The following MAP3K21 variants were observed in gnomAD, a reference collection of about 807,000 sequenced individuals.
MAP3K21 encodes mitogen-activated protein kinase kinase kinase MLK4.
Under a neutral mutation model 86.1 loss-of-function variants are expected in MAP3K21, and 63 were observed. The ratio of observed to expected loss-of-function variants is 0.73; its 90% CI spans 0.60 to 0.90. MAP3K21 has a LOEUF of 0.90. MAP3K21 is among the 40% of genes least tolerant of loss of function. The pLI, the probability that MAP3K21 is intolerant of heterozygous loss-of-function variation, is 0.00. For synonymous variants in MAP3K21, 558 were observed against 564.8 expected (o/e 0.99, Z 0.17); for missense variants, 1,220 against 1,367.7 (o/e 0.89, Z 1.70).
chr1:233,329,538 C>T (rs1304118825), intron 1 of MAP3K21, among the ~76,000 whole-genome samples: 3 of 152,066 alleles, frequency 2.0e-5, no homozygotes, highest in Non-Finnish European at 4.4e-5. Context: ...CCTGTAATCC[C>T]AGCTACTCGG....
chr1:233,362,275 C>T lies in MAP3K21; in HGVS notation c.1534C>T (p.Arg512Ter). The change falls in exon 5 of 10, where the codon CGA becomes TGA. Residue 512 changes from arginine to a stop codon, truncating the protein, a stop_gained. Coordinates refer to ENST00000366624, the MANE Select transcript of MAP3K21 (RefSeq NM_032435.3). LOFTEE classifies it high-confidence loss of function. Reference sequence around the variant, plus strand: ...TCGTTTAAAGCTCAAAGATGGACATCGAATCAGTTTACCTTCAGGTATGAT... The same window carrying T: ...TCGTTTAAAGCTCAAAGATGGACATTGAATCAGTTTACCTTCAGGTATGAT... ...RSRLKLKDGH[R>*]ISLPSDFQHK... 1 of 1,614,146 alleles carries T rather than the reference C, an allele frequency of 6.2e-7. No individual in the cohort carries two copies. Among genetic ancestry groups the T allele is most frequent in the Non-Finnish European group, 8.5e-7 (1 of 1,180,012 alleles).
In MAP3K21 at chr1:233,365,467, A is replaced by T. The variant is rs1240222728; in HGVS notation, c.1552+3174A>T. Among the ~76,000 whole-genome samples, 3 of 152,226 alleles carry T rather than the reference A, an allele frequency of 2.0e-5. No individual in the cohort carries two copies. The East Asian group carries it at 5.8e-4, about 29-fold the overall frequency. On this transcript the variant is annotated intron_variant, in intron 5 of 9. Coordinates refer to ENST00000366624, the MANE Select transcript of MAP3K21 (RefSeq NM_032435.3). ...AATTTGATTTAAAATTGGACAAAGG[A>T]ACTGAATAGACATTTCTCAAAAGAA...
chr1:233,337,835 A>T (rs1470129464), intron 1 of MAP3K21, among the ~76,000 whole-genome samples: 1 of 152,216 alleles, frequency 6.6e-6, no homozygotes, highest in Non-Finnish European at 1.5e-5. Flanking sequence ...AAGCTATTGG[A>T]AAAAGAGCAA....
chr1:233,356,564 A>G (rs1220499319), intron 4 of MAP3K21, among the ~76,000 whole-genome samples: 3 of 152,254 alleles, frequency 2.0e-5, no homozygotes, highest in Non-Finnish European at 2.9e-5. Flanking sequence ...TAATAGAGGC[A>G]TATGACTCAG....
rs747308823 is a variant in MAP3K21 at position 233,384,278 on chromosome 1, T to C, written c.*1567T>C. On this transcript the variant is annotated 3_prime_UTR_variant, in exon 10 of 10. Transcript: ENST00000366624. ...ATTATTTGGCAATTTTGCAGCATTG[T>C]GGTTGCCTAACAGGTATATCCAGCA... 2 of 152,220 alleles carry C rather than the reference T, an allele frequency of 1.3e-5. No homozygotes were observed. The highest frequency in any genetic ancestry group is 2.1e-4 in the South Asian group (1 of 4,832). The allele number at this position is 152,220 out of a possible 1,614,324, so 9.4% of individuals were successfully genotyped here.
At chr1:233,378,502 A>T (rs1231379248) in intron 8 of MAP3K21, among the ~76,000 whole-genome samples, 1 of 152,220 alleles carries the variant, frequency 6.6e-6, no homozygotes, top group African/African-American at 2.4e-5. Context: ...GCTACAGAAC[A>T]GTTAGTTTAT....
chr1:233,342,293 A>G (rs892856796), intron 1 of MAP3K21, among the ~76,000 whole-genome samples: 1 of 152,222 alleles, frequency 6.6e-6, no homozygotes, highest in East Asian at 1.9e-4. Context: ...CAGCCCTTTG[A>G]TCTTGGATAA....
At chr1:233,374,533 T>C (rs1418707594) in intron 6 of MAP3K21, among the ~76,000 whole-genome samples, 2 of 152,154 alleles carry the variant, frequency 1.3e-5, no homozygotes, top group Non-Finnish European at 2.9e-5. Flanking sequence ...ATTTTAAAAT[T>C]TGGAAAATAT....
rs371713528 is a variant in MAP3K21 at position 233,382,570 on chromosome 1, G to A, written c.2970G>A (p.Glu990=). 4 of 1,614,070 alleles carry A rather than the reference G, an allele frequency of 2.5e-6. No homozygotes were observed. Among genetic ancestry groups the A allele is most frequent in the East Asian group, 2.2e-5 (1 of 44,886 alleles). Residue 990 remains glutamate, a synonymous_variant, in exon 10 of 10, where the codon GAG becomes GAA. Coordinates refer to ENST00000366624, the MANE Select transcript of MAP3K21 (RefSeq NM_032435.3). The part of the protein sequence containing the change: ...PHPTQFLAAK[E]RTKSHVPSLL... ...CCACCCAATTCCTCGCTGCCAAGGA[G>A]AGAACTAAATCCCATGTGCCTTCAT...
intron 4 of MAP3K21, 135 bp from the exon 5 acceptor site, chr1:233,361,918 G>A: frequency 3.6e-6 from 4 of 1,111,248 alleles, no homozygotes; most frequent in Non-Finnish European, 5.1e-6. Flanking sequence ...GGCTTGAGCA[G>A]AGGAAGAGGG....
In MAP3K21 at chr1:233,328,474, C is replaced by T; in HGVS notation, c.446C>T (p.Ala149Val). Residue 149 changes from alanine to valine, a missense_variant, in exon 1 of 10, where the codon GCC becomes GTC. Coordinates refer to ENST00000366624, the MANE Select transcript of MAP3K21 (RefSeq NM_032435.3). This position sits in a 1 kb window ranked among gnomAD's most constrained non-coding sequence, Gnocchi z 8.7. ...YRATWQGQEVAVKAARQDPEQ... is the reference protein window; with the variant it reads ...YRATWQGQEVVVKAARQDPEQ... ...GCCACCTGGCAGGGCCAGGAGGTGG[C>T]CGTGAAGGCGGCGCGCCAGGACCCG... 1.3e-6 allele frequency: 2 copies of T among 1,502,490 alleles called. No individual in the cohort carries two copies. The highest frequency in any genetic ancestry group is 1.8e-6 in the Non-Finnish European group (2 of 1,135,986). The allele number at this position is 1,502,490 out of a possible 1,614,324, so 93.1% of individuals were successfully genotyped here. A position where few individuals can be genotyped will look rare whatever the true frequency, so the allele number is the denominator to read the frequency against.
At chr1:233,367,746 G>C (rs557191519) in intron 5 of MAP3K21, among the ~76,000 whole-genome samples, 2 of 151,956 alleles carry the variant, frequency 1.3e-5, no homozygotes, top group African/African-American at 4.8e-5. Flanking sequence ...TGTAATCCCA[G>C]CTACTCAGGA....
chr1:233,359,043 T>A (rs1306709442), intron 4 of MAP3K21, among the ~76,000 whole-genome samples: 1 of 151,912 alleles, frequency 6.6e-6, no homozygotes, highest in African/African-American at 2.4e-5. Context: ...AAACTCCAGA[T>A]CTCAGGTGAT....
chr1:233,358,150 C>T (rs1341768261), intron 4 of MAP3K21, among the ~76,000 whole-genome samples: 2 of 151,738 alleles, frequency 1.3e-5, no homozygotes, highest in Admixed American at 1.3e-4. Context: ...ATCATTGGAG[C>T]CATCACTGTA....
At chr1:233,374,473 C>CCCAAATCACTTTCAAGTGCACT (rs1663749979) in intron 6 of MAP3K21, among the ~76,000 whole-genome samples, 1 of 152,094 alleles carries the variant, frequency 6.6e-6, no homozygotes, top group Non-Finnish European at 1.5e-5. Context: ...CGCACCCGGC[C>CCCAAATCACTTTCAAGTGCACT]TAAGCACATT....
intron 1 of MAP3K21, among the ~76,000 whole-genome samples, chr1:233,333,382 T>C (rs1662848703): frequency 6.6e-6 from 1 of 152,214 alleles, no homozygotes; most frequent in South Asian, 2.1e-4. Flanking sequence ...AGATTAGACT[T>C]TTAGAAGAAT....
intron 6 of MAP3K21, chr1:233,374,190 T>G (rs183389568): frequency 6.6e-6 from 1 of 152,200 alleles, no homozygotes; most frequent in East Asian, 1.9e-4. Context: ...TCTACATTTT[T>G]TTTTTTTTGA....
chr1:233,332,610 AC>A (rs750872894), intron 1 of MAP3K21, among the ~76,000 whole-genome samples: 2 of 152,170 alleles, frequency 1.3e-5, no homozygotes, highest in Non-Finnish European at 2.9e-5. Context: ...GAGAGGAGGC[AC>A]CGACTCTGCC....
chr1:233,328,350 C>T lies in MAP3K21; in HGVS notation c.322C>T (p.Pro108Ser). 6.8e-7 allele frequency: 1 copy of T among 1,468,486 alleles called. No homozygotes were observed. Among genetic ancestry groups the T allele is most frequent in the Non-Finnish European group, 8.9e-7 (1 of 1,118,848 alleles). 91.0% of individuals were successfully genotyped at this position (1,468,486 alleles called of 1,614,324 possible). ...CTGCCGCCCGGCCGCCAGCCCCGCG[C>T]CGCCGCCCTCGCGGCCCAGCTCCCC... ...APCRPAASPA[P>S]PPSRPSSPVH... The change falls in exon 1 of 10, where the codon CCG becomes TCG. Residue 108 changes from proline to serine, a missense_variant. This residue lies in a region of MAP3K21 where 369 missense variants were observed against 385.3 expected (regional missense o/e 0.96). Coordinates refer to ENST00000366624, the MANE Select transcript of MAP3K21 (RefSeq NM_032435.3). The surrounding 1 kb of genome is among the most constrained non-coding windows in gnomAD (Gnocchi z 8.7).
Sources: allele counts gnomAD v4.1 joint callset (sites outside exome capture counted in the v4.1 genomes callset), GRCh38; gene constraint gnomAD v4.1.1; regional missense constraint gnomAD v4.1.1; non-coding constraint Gnocchi (gnomAD v3.1); transcripts MANE v1.5; gene names NCBI Gene and HGNC (gene_info 2026-07-23, HGNC 2026-07-21).